CBLB: variants seen among roughly 807,000 people sequenced by gnomAD.
CBLB encodes E3 ubiquitin-protein ligase CBL-B.
Under a neutral mutation model 104.9 loss-of-function variants are expected in CBLB, and 31 were observed. That is an observed-to-expected ratio of 0.30 (90% CI 0.22 to 0.40). The LOEUF is 0.40. Ranked by LOEUF, CBLB falls within the 10% of genes least tolerant of loss-of-function variation. The pLI, the probability that CBLB is intolerant of heterozygous loss-of-function variation, is 1.00. For missense variants in CBLB, 1,062 were observed against 1,214.6 expected (o/e 0.87, Z 1.87); for synonymous variants, 440 against 422.6 (o/e 1.04, Z -0.51).
chr3:105,743,692 T>A (rs1435092201), intron 6 of CBLB, among the ~76,000 whole-genome samples: 1 of 150,902 alleles, frequency 6.6e-6, no homozygotes, highest in East Asian at 1.9e-4. Flanking sequence ...CCAATTGTTT[T>A]CTATACTATG....
At chr3:105,737,489 A>G (rs1387630565) in intron 7 of CBLB, among the ~76,000 whole-genome samples, 1 of 152,112 alleles carries the variant, frequency 6.6e-6, no homozygotes, top group Non-Finnish European at 1.5e-5. Context: ...TAACCCACTA[A>G]GCAACCATTT....
chr3:105,768,759 ATAGAG>A (rs763607603), intron 4 of CBLB, among the ~76,000 whole-genome samples: 1 of 152,326 alleles, frequency 6.6e-6, no homozygotes, highest in Non-Finnish European at 1.5e-5. Flanking sequence ...CAACCAAAGT[ATAGAG>A]TAATTAACAT....
chr3:105,806,202 T>A (rs1195615482), intron 3 of CBLB, among the ~76,000 whole-genome samples: 2 of 152,134 alleles, frequency 1.3e-5, no homozygotes, highest in Non-Finnish European at 2.9e-5. Context: ...GTTTAAAAAC[T>A]CAGAAATTCA....
chr3:105,744,432 G>A (rs554403700), intron 6 of CBLB, among the ~76,000 whole-genome samples: 3 of 152,214 alleles, frequency 2.0e-5, no homozygotes, highest in African/African-American at 7.2e-5. Context: ...CTGTCAATAT[G>A]CAAAATAACT....
At chr3:105,854,317 T>C (rs2091323196) in intron 2 of CBLB, among the ~76,000 whole-genome samples, 1 of 152,198 alleles carries the variant, frequency 6.6e-6, no homozygotes, top group African/African-American at 2.4e-5. Flanking sequence ...CCTGCAGAAC[T>C]GAAAGTACCT....
intron 9 of CBLB, 46 bp downstream of exon 9, chr3:105,733,960 ATAT>A: frequency 6.4e-7 from 1 of 1,568,110 alleles, no homozygotes; most frequent in South Asian, 1.1e-5. Flanking sequence ...GAAAAGAGAA[ATAT>A]TAGTAGGACA....
Position 105,656,179 on chromosome 3 carries a change from C to T in CBLB, c.*2791G>A, listed in dbSNP as rs969258356. 2 of 219,014 alleles carry T rather than the reference C, an allele frequency of 9.1e-6. No homozygotes were observed. Among genetic ancestry groups the T allele is most frequent in the African/African-American group, 4.5e-5 (2 of 44,520 alleles). The allele number at this position is 219,014 out of a possible 1,614,324, so 13.6% of individuals were successfully genotyped here. ...TACTGGAATATAATTGAGGATAAGT[C>T]CTTCTATCTCCAGAACATGTTTGGG... On this transcript the variant is annotated 3_prime_UTR_variant, in exon 19 of 19. Transcript: ENST00000394030.
chr3:105,812,372 A>G (rs1177905267), intron 3 of CBLB, among the ~76,000 whole-genome samples: 1 of 152,216 alleles, frequency 6.6e-6, no homozygotes, highest in Non-Finnish European at 1.5e-5. Context: ...TGATCTGTAA[A>G]CTCAGATCAG....
intron 6 of CBLB, among the ~76,000 whole-genome samples, chr3:105,743,547 C>A (rs1417468705): frequency 6.6e-6 from 1 of 151,574 alleles, no homozygotes; most frequent in Non-Finnish European, 1.5e-5. Context: ...GGGTTCAATG[C>A]CACTCTTGTC....
chr3:105,671,724 T>A (rs2152700478), intron 17 of CBLB: 1 of 202,132 alleles, frequency 4.9e-6, no homozygotes, highest in Admixed American at 6.0e-5. Flanking sequence ...CATTATCTTT[T>A]CACCTTTTTT....
intron 3 of CBLB, among the ~76,000 whole-genome samples, chr3:105,780,666 T>TTTG (rs1553789063): frequency 0.013 from 1,582 of 122,730 alleles, 25 homozygotes; most frequent in African/African-American, 0.045. Flanking sequence ...TTTTGTTTTT[T>TTTG]TTTTTTTTTT....
chr3:105,794,879 CAA>C (rs2082080291), intron 3 of CBLB, among the ~76,000 whole-genome samples: 1 of 151,834 alleles, frequency 6.6e-6, no homozygotes, highest in Admixed American at 6.6e-5. Context: ...ATATATGCAC[CAA>C]AAGACATGCA....
At chr3:105,795,109 T>C (rs1385657918) in intron 3 of CBLB, among the ~76,000 whole-genome samples, 1 of 152,144 alleles carries the variant, frequency 6.6e-6, no homozygotes, top group Non-Finnish European at 1.5e-5. Context: ...AGACAGGGTT[T>C]CACCATGTTG....
chr3:105,737,397 C>A, intron 7 of CBLB, 139 bp from the exon 8 acceptor site: 1 of 493,690 alleles, frequency 2.0e-6, no homozygotes, highest in Non-Finnish European at 3.6e-6. Flanking sequence ...CATATTACTT[C>A]AATGTTTCCA....
At chr3:105,861,074 A>G (rs984506707) in intron 2 of CBLB, among the ~76,000 whole-genome samples, 4 of 152,168 alleles carry the variant, frequency 2.6e-5, no homozygotes, top group Admixed American at 6.5e-5. Context: ...AATGTGTTGG[A>G]TATTTTCAAA....
In CBLB at chr3:105,657,356, C is replaced by T. The variant is rs999846158; in HGVS notation, c.*1614G>A. 4.6e-6 allele frequency: 1 copy of T among 216,152 alleles called. No individual in the cohort carries two copies. Among genetic ancestry groups the T allele is most frequent in the Non-Finnish European group, 9.3e-6 (1 of 107,358 alleles). The allele number at this position is 216,152 out of a possible 1,614,324, so 13.4% of individuals were successfully genotyped here. A position where few individuals can be genotyped will look rare whatever the true frequency, so the allele number is the denominator to read the frequency against. The stretch of plus-strand genomic sequence containing the variant: ...AAAAGAGGAGACACAGAAATATGCA[C>T]AAACCCACAATTAGTCCATATTTAG... On this transcript the variant is annotated 3_prime_UTR_variant, in exon 19 of 19. Coordinates refer to ENST00000394030, the MANE Select transcript of CBLB (RefSeq NM_170662.5).
At chr3:105,807,104 A>G (rs1451211348) in intron 3 of CBLB, among the ~76,000 whole-genome samples, 1 of 152,216 alleles carries the variant, frequency 6.6e-6, no homozygotes, top group Non-Finnish European at 1.5e-5. Flanking sequence ...AGTACATCAT[A>G]CATACATCCA....
intron 4 of CBLB, among the ~76,000 whole-genome samples, chr3:105,773,651 C>G (rs998742266): frequency 6.6e-6 from 1 of 152,092 alleles, no homozygotes; most frequent in Non-Finnish European, 1.5e-5. Context: ...CTTAAAGTTT[C>G]TGGATTATAA....
At chr3:105,664,056 CT>C (rs1480215741) in intron 18 of CBLB, among the ~76,000 whole-genome samples, 1 of 151,894 alleles carries the variant, frequency 6.6e-6, no homozygotes, top group Non-Finnish European at 1.5e-5. Flanking sequence ...CACAAAAAGT[CT>C]TTATTACTCC....
Sources: allele counts gnomAD v4.1 joint callset (sites outside exome capture counted in the v4.1 genomes callset), GRCh38; gene constraint gnomAD v4.1.1; transcripts MANE v1.5; gene names NCBI Gene and HGNC (gene_info 2026-07-23, HGNC 2026-07-21).